The following PDE4D variants were observed in gnomAD, a reference collection of about 807,000 sequenced individuals.
PDE4D encodes 3',5'-cyclic-AMP phosphodiesterase 4D.
PDE4D carries 24 observed loss-of-function variants against 87.4 expected under a neutral mutation model. The observed-to-expected ratio is 0.27, with a 90% CI of 0.20 to 0.39. The LOEUF (loss-of-function observed/expected upper bound fraction) is 0.39. PDE4D is among the 10% of genes least tolerant of loss of function. PDE4D has a pLI of 1.00. For synonymous variants in PDE4D, 384 were observed against 383.2 expected (o/e 1.00, Z -0.02); for missense variants, 714 against 1,041.0 (o/e 0.69, Z 4.32).
At chr5:60,430,357 T>A in intron 1 of PDE4D, 1 of 419,762 alleles carries the variant, frequency 2.4e-6, no homozygotes, top group Non-Finnish European at 4.7e-6. Context: ...CATCTTCCAC[T>A]ACTTCCCCTC....
At chr5:59,813,587 G>C (rs542486689) in intron 1 of PDE4D, among the ~76,000 whole-genome samples, 86 of 152,064 alleles carry the variant, frequency 5.7e-4, no homozygotes, top group African/African-American at 2.0e-3. Context: ...TAATTCCTAA[G>C]CCAATAAAAT....
chr5:60,147,864 C>T (rs115935732), intron 2 of PDE4D: 11,136 of 443,280 alleles, frequency 0.025, 224 homozygotes, highest in Non-Finnish European at 0.039. Flanking sequence ...CAGCTAGCTG[C>T]CTCCAGAGTG....
intron 1 of PDE4D, among the ~76,000 whole-genome samples, chr5:60,324,037 T>A (rs115755856): frequency 8.7e-4 from 132 of 152,274 alleles, no homozygotes; most frequent in African/African-American, 3.0e-3. Flanking sequence ...CTATGAACGT[T>A]TGATTAAGTA....
intron 5 of PDE4D, among the ~76,000 whole-genome samples, chr5:59,075,538 A>G (rs1046228437): frequency 1.3e-5 from 2 of 152,028 alleles, no homozygotes; most frequent in African/African-American, 2.4e-5. Flanking sequence ...TGCTTATTTT[A>G]TTATCCAAAA....
chr5:59,873,452 T>C (rs977894883), intron 1 of PDE4D, among the ~76,000 whole-genome samples: 2 of 152,206 alleles, frequency 1.3e-5, no homozygotes, highest in African/African-American at 2.4e-5. Context: ...ACTCCAACTA[T>C]GCAGAAGCTT....
intron 1 of PDE4D, among the ~76,000 whole-genome samples, chr5:59,277,690 G>A (rs1765081568): frequency 6.6e-6 from 1 of 152,154 alleles, no homozygotes; most frequent in South Asian, 2.1e-4. Context: ...TGACTGTTGA[G>A]TTTTCAACTC....
At chr5:59,851,196 T>C (rs1384057715) in intron 1 of PDE4D, among the ~76,000 whole-genome samples, 2 of 152,056 alleles carry the variant, frequency 1.3e-5, no homozygotes, top group Non-Finnish European at 2.9e-5. Flanking sequence ...AACTTGATCA[T>C]GTGAGTAAAT....
intron 5 of PDE4D, among the ~76,000 whole-genome samples, chr5:59,066,991 TA>T (rs1764042323): frequency 3.0e-5 from 2 of 66,110 alleles, no homozygotes; most frequent in African/African-American, 1.1e-4. Context: ...GCTCGTGATT[TA>T]TTTATTTATT....
intron 1 of PDE4D, among the ~76,000 whole-genome samples, chr5:60,359,081 T>C (rs570269257): frequency 1.3e-4 from 20 of 152,342 alleles, no homozygotes; most frequent in African/African-American, 4.6e-4. Flanking sequence ...TAAGAATATA[T>C]GTGGTCTTCC....
intron 1 of PDE4D, among the ~76,000 whole-genome samples, chr5:59,592,654 T>G (rs1188747799): frequency 6.6e-6 from 1 of 152,146 alleles, no homozygotes; most frequent in Non-Finnish European, 1.5e-5. Context: ...ATTGGAATAT[T>G]TAGAATGCTT....
chr5:59,200,108 CA>C (rs1746652636), intron 2 of PDE4D, among the ~76,000 whole-genome samples: 1 of 138,056 alleles, frequency 7.2e-6, no homozygotes, highest in African/African-American at 3.3e-5. Context: ...TACATGTATG[CA>C]CACACATACA....
At chr5:60,322,407 CACACACACAA>C (rs1261217464) in intron 1 of PDE4D, among the ~76,000 whole-genome samples, 126 of 129,568 alleles carry the variant, frequency 9.7e-4, no homozygotes, top group African/African-American at 3.4e-3. Flanking sequence ...CACACACACA[CACACACACAA>C]AACCCTAACA....
chr5:59,422,693 T>C (rs964641163), intron 1 of PDE4D, among the ~76,000 whole-genome samples: 2 of 152,234 alleles, frequency 1.3e-5, no homozygotes, highest in Non-Finnish European at 2.9e-5. Flanking sequence ...CAAGATTGTG[T>C]AGTGTCTTGT....
intron 2 of PDE4D, among the ~76,000 whole-genome samples, chr5:60,062,565 A>G (rs10940658): frequency 0.49 from 75,000 of 151,920 alleles, 18,949 homozygotes; most frequent in East Asian, 0.83. Flanking sequence ...CCATTACTGG[A>G]TAAATACCTA....
chr5:60,416,740 A>C (rs1410094981), intron 1 of PDE4D, among the ~76,000 whole-genome samples: 2 of 151,982 alleles, frequency 1.3e-5, no homozygotes, highest in Non-Finnish European at 2.9e-5. Flanking sequence ...ACTATCATAC[A>C]CTCTTCCTTC....
intron 5 of PDE4D, among the ~76,000 whole-genome samples, chr5:59,128,668 C>T (rs571807789): frequency 6.6e-6 from 1 of 152,322 alleles, no homozygotes; most frequent in South Asian, 2.1e-4. Flanking sequence ...CAATCTTTGA[C>T]ACAAACACAT....
At position 59,387,605 on chromosome 5, in the gene PDE4D, T is replaced by C. The variant is rs192806089; in HGVS notation, c.456-171637A>G. On this transcript the variant is annotated intron_variant, in intron 1 of 14. Coordinates refer to ENST00000340635, the MANE Select transcript of PDE4D (RefSeq NM_001104631.2). ...TTGTTCAGTTTTATAAACCTCGTAC[T>C]GTCATGACTTCATTAACCCAAGGCT... Among the ~76,000 whole-genome samples, 7 of 152,240 alleles carry C rather than the reference T, an allele frequency of 4.6e-5. No homozygotes were observed. In the East Asian group the frequency reaches 1.4e-3, roughly 29 times the overall value.
chr5:60,505,130 G>T (rs946399909), intron 1 of PDE4D, among the ~76,000 whole-genome samples: 1 of 152,214 alleles, frequency 6.6e-6, no homozygotes, highest in Non-Finnish European at 1.5e-5. Context: ...AGGAAACACT[G>T]TAAGACTATA....
intron 1 of PDE4D, among the ~76,000 whole-genome samples, chr5:59,566,143 CT>C (rs1820840925): frequency 1.3e-5 from 2 of 151,982 alleles, no homozygotes; most frequent in Admixed American, 1.3e-4. Flanking sequence ...TTGAATTTTC[CT>C]TTTGAAAGAT....
Sources: gnomAD v4.1 joint callset for allele counts (sites outside exome capture counted in the v4.1 genomes callset) on GRCh38, gnomAD v4.1.1 for gene constraint, MANE v1.5 for transcripts, NCBI Gene and HGNC (gene_info 2026-07-23, HGNC 2026-07-21) for gene names.